Variants in ARMCX4 observed in about 807,000 individuals in gnomAD.
ARMCX4 encodes armadillo repeat containing X-linked 4.
ARMCX4 carries 3 observed loss-of-function variants against 34.7 expected under a neutral mutation model. The observed-to-expected ratio is 0.09, with a 90% confidence interval of 0.04 to 0.22. ARMCX4 has a LOEUF of 0.22. ARMCX4 is among the 10% of genes least tolerant of loss of function. ARMCX4 has a pLI of 1.00. For synonymous variants in ARMCX4, 513 were observed against 632.8 expected, an observed-to-expected ratio of 0.81 and a Z score of 2.84; for missense variants, 1,448 against 1,720.8, an observed-to-expected ratio of 0.84 and a Z score of 2.81.
Position 101,435,993 on chromosome X carries a change from A to G in ARMCX4, n.165-8059A>G, listed in dbSNP as rs182077445. ...ATTTCTGAGGGTTCTGTTCTGTTCT[A>G]TTGGTCTATATCTCTGTTTTGGTAC... On this transcript the variant is annotated intron_variant and non_coding_transcript_variant, in intron 2 of 3. Coordinates refer to the ARMCX4 transcript ENST00000430461. Among the ~76,000 whole-genome samples the G allele has an allele frequency of 3.8e-4, 42 of 110,995 alleles. No individual in the cohort carries two copies. The East Asian group carries it at 9.6e-3, about 25-fold the overall frequency.
intron 11 of ARMCX4, among the ~76,000 whole-genome samples, chrX:101,515,343 T>TTTCTTTCTTTC (rs1556017372): frequency 2.4e-4 from 4 of 16,994 alleles, no homozygotes; most frequent in African/African-American, 7.8e-4. Context: ...TTTCCTTTCC[T>TTTCTTTCTTTC]TTTCTTTCTT....
chrX:101,453,456 C>T (rs185222807), intron 4 of ARMCX4, among the ~76,000 whole-genome samples: 7 of 111,662 alleles, frequency 6.3e-5, no homozygotes, highest in Middle Eastern at 4.7e-3. Context: ...CAATAGGTCC[C>T]GAGTGGGGCC....
At position 101,491,186 on chromosome X, in the gene ARMCX4, G is replaced by A; in HGVS notation, c.2597G>A (p.Gly866Asp). ...SKAGAREDTVGSTQPQVLASS... is the reference protein window; with the variant it reads ...SKAGAREDTVDSTQPQVLASS... ...GCAGGGGCCAGAGAAGATACAGTGG[G>A]CTCTACCCAGCCTCAGGTTTTGGCC... is the stretch of plus-strand genomic sequence containing the variant. Residue 866 changes from glycine to aspartate, a missense_variant, in exon 6 of 6, where the codon GGC becomes GAC. Gly to Asp is a moderately conservative substitution (Grantham distance 94, BLOSUM62 -1). Around this residue, in one of 2 missense-constraint regions of ARMCX4, gnomAD observed 1,343 missense variants for 1,540.7 expected, o/e 0.87. Transcript: ENST00000423738. The A allele has an allele frequency of 1.7e-6, 2 of 1,156,092 alleles. No homozygotes were observed. Among genetic ancestry groups the A allele is most frequent in the Non-Finnish European group, 2.3e-6 (2 of 873,023 alleles).
downstream of ARMCX4, among the ~76,000 whole-genome samples, chrX:101,535,871 A>G (rs1935210365): frequency 1.8e-5 from 2 of 111,726 alleles, no homozygotes; most frequent in African/African-American, 6.5e-5. Context: ...ACCCCCTTAA[A>G]TAAACTGCTA....
At chrX:101,504,219 C>G (rs782679693) in intron 7 of ARMCX4, among the ~76,000 whole-genome samples, 259 of 109,267 alleles carry the variant, frequency 2.4e-3, no homozygotes, top group African/African-American at 7.6e-3. Context: ...GTCAGGTAGC[C>G]TGATGCCTCC....
At chrX:101,481,800 C>T (rs1448257908), upstream of ARMCX4, among the ~76,000 whole-genome samples, 1 of 111,661 alleles carries the variant, frequency 9.0e-6, no homozygotes, top group Non-Finnish European at 1.9e-5. Flanking sequence ...TCATTGTAAC[C>T]TTGCTTTATT....
chrX:101,445,499 C>T (rs782395829), intron 3 of ARMCX4, among the ~76,000 whole-genome samples: 15 of 112,025 alleles, frequency 1.3e-4, no homozygotes, highest in Non-Finnish European at 2.6e-4. Flanking sequence ...AGCATTGGTA[C>T]CCAGTTTTAG....
intron 11 of ARMCX4, among the ~76,000 whole-genome samples, chrX:101,515,381 T>TTCTTTCTTTCCTTCTTTCTTTC (rs782141206): frequency 8.2e-5 from 1 of 12,265 alleles, no homozygotes; most frequent in Admixed American, 1.1e-3. Flanking sequence ...CTTTCTTTCT[T>TTCTTTCTTTCCTTCTTTCTTTC]TTTCTTTCTT....
In ARMCX4 at chrX:101,515,520, C is replaced by CCTCTTTAT. The variant is rs1374730549; in HGVS notation, c.*1780+4471_*1780+4472insATCTCTTT. Among the ~76,000 whole-genome samples the CCTCTTTAT allele has an allele frequency of 2.7e-4, 6 of 22,385 alleles. No individual in the cohort carries two copies. The East Asian group carries it at 4.2e-3, about 16-fold the overall frequency. The allele number at this position is 22,385 out of a possible 115,157, so 19.4% of individuals were successfully genotyped here. A position where few individuals can be genotyped will look rare whatever the true frequency, so the allele number is the denominator to read the frequency against. ...CTCTCTTTCTTTCTCTCTCTCTTTCCCTCTTTCTCTCTTTATCTCTTTCTC... is the reference window on the plus strand; with the variant it reads ...CTCTCTTTCTTTCTCTCTCTCTTTCCCTCTTTATCTCTTTCTCTCTTTATCTCTTTCTC... On this transcript the variant is annotated intron_variant and NMD_transcript_variant, in intron 11 of 12. Coordinates refer to the ARMCX4 transcript ENST00000354842.
intron 2 of ARMCX4, among the ~76,000 whole-genome samples, chrX:101,432,708 A>ACG (rs1555992407): frequency 2.8e-3 from 302 of 106,194 alleles, no homozygotes; most frequent in African/African-American, 9.0e-3. Context: ...ACACATATAT[A>ACG]TGTATACATA....
intron 4 of ARMCX4, among the ~76,000 whole-genome samples, chrX:101,475,342 G>C (rs969069031): frequency 9.1e-6 from 1 of 109,714 alleles, no homozygotes; most frequent in Non-Finnish European, 1.9e-5. Flanking sequence ...CTTCTTTGTA[G>C]GTATCTGCAA....
At chrX:101,502,710 G>C (rs1395412279) in intron 7 of ARMCX4, among the ~76,000 whole-genome samples, 2 of 110,822 alleles carry the variant, frequency 1.8e-5, no homozygotes, top group Admixed American at 1.9e-4. Flanking sequence ...AGGCATTCAA[G>C]TGTTCTTTAT....
At chrX:101,528,369 C>T (rs1222704563) in intron 11 of ARMCX4, among the ~76,000 whole-genome samples, 2 of 111,750 alleles carry the variant, frequency 1.8e-5, no homozygotes, top group Non-Finnish European at 3.8e-5. Flanking sequence ...AAAGCCACAG[C>T]CAATGTCATA....
At position 101,495,303 on chromosome X, in the gene ARMCX4, A is replaced by G. The variant is rs1556011575; in HGVS notation, c.6714A>G (p.Arg2238=). 1.0e-5 allele frequency: 12 copies of G among 1,143,579 alleles called. No individual in the cohort carries two copies. The South Asian group carries it at 2.1e-4, about 20-fold the overall frequency. 94.2% of individuals were successfully genotyped at this position (1,143,579 alleles called of 1,213,427 possible). ...AAAATATAAATTACCATTTTAAAAG[A>G]AGAGCAAAAGCATTTACCCAGGACA... The part of the protein sequence containing the change: ...LFENINYHFK[R]RAKAFTQDKF... Residue 2238 remains arginine (R), a synonymous_variant, in exon 6 of 6, where the codon AGA becomes AGG. Transcript: ENST00000423738.
At chrX:101,523,451 T>G (rs985232461) in intron 11 of ARMCX4, among the ~76,000 whole-genome samples, 2 of 112,300 alleles carry the variant, frequency 1.8e-5, no homozygotes, top group African/African-American at 3.2e-5. Context: ...AAAATCTAAT[T>G]GGCTAAAGGA....
At chrX:101,433,946 A>G (rs188374342) in intron 2 of ARMCX4, among the ~76,000 whole-genome samples, 1,981 of 106,135 alleles carry the variant, frequency 0.019, 57 homozygotes, top group African/African-American at 0.064. Context: ...GTGGTTATCC[A>G]CTTTTTTTTT....
downstream of ARMCX4, among the ~76,000 whole-genome samples, chrX:101,533,999 T>C (rs1486935574): frequency 9.0e-6 from 1 of 111,097 alleles, no homozygotes; most frequent in Non-Finnish European, 1.9e-5. Context: ...ATGAAATCAA[T>C]AGAATAAAAA....
In ARMCX4 at chrX:101,488,832, T is replaced by C; in HGVS notation, c.243T>C (p.Ser81=). 8.7e-7 allele frequency: 1 copy of C among 1,155,819 alleles called. No individual in the cohort carries two copies. The highest frequency in any genetic ancestry group is 1.1e-6 in the Non-Finnish European group (1 of 872,836). ...TTGGAGCAGAAACTGGAGCAAGAAG[T>C]GGGCCTAGGGCTGAAGTAGAGACCA... ...VEIGAETGAR[S]GPRAEVETKA... The change falls in exon 6 of 6, where the codon AGT becomes AGC. Residue 81 remains serine, a synonymous_variant. Transcript: ENST00000423738.
rs782270674 is a variant in ARMCX4, at chrX:101,476,529, A to G, written c.-472-9494A>G. 2.1e-4 allele frequency among the ~76,000 whole-genome samples: 23 copies of G among 111,616 alleles called. 1 individual carries two copies. Among genetic ancestry groups the G allele is most frequent in the Admixed American group, 5.8e-4 (6 of 10,403 alleles). Reference sequence around the variant, plus strand: ...TACCTTGAAGAGAAGGTGACACAATATAATGAAATAAAATTAGACATTAAT... The same window carrying G: ...TACCTTGAAGAGAAGGTGACACAATGTAATGAAATAAAATTAGACATTAAT... On this transcript the variant is annotated intron_variant and NMD_transcript_variant, in intron 4 of 15. Transcript: ENST00000433011.
Sources: allele counts gnomAD v4.1 joint callset (sites outside exome capture counted in the v4.1 genomes callset), GRCh38; gene constraint gnomAD v4.1.1; regional missense constraint gnomAD v4.1.1; transcripts MANE v1.5; gene names NCBI Gene and HGNC (gene_info 2026-07-23, HGNC 2026-07-21).